ZNF444: variants seen among roughly 807,000 people sequenced by gnomAD.
The protein encoded by ZNF444 is zinc finger protein 444.
Under a neutral mutation model 14.4 loss-of-function variants are expected in ZNF444, and 8 were observed. The observed-to-expected ratio is 0.56, with a 90% confidence interval of 0.33 to 1.00. The LOEUF is 1.00. ZNF444 is among the 50% of genes least tolerant of loss of function. The probability of loss-of-function intolerance (pLI) is 0.03; values close to 1 mark genes in which losing one functional copy is unlikely to be tolerated. For synonymous variants in ZNF444, 258 were observed against 235.9 expected, an observed-to-expected ratio of 1.09 and a Z score of -0.86; for missense variants, 510 against 504.8, an observed-to-expected ratio of 1.01 and a Z score of -0.10.
intron 3 of ZNF444, chr19:56,149,875 TG>T (rs1311012693): frequency 1.3e-4 from 20 of 153,818 alleles, no homozygotes; most frequent in African/African-American, 4.8e-4. Context: ...TTAGGTCACC[TG>T]TGATGACATT....
rs1387929394 is a variant in ZNF444, at chr19:56,146,994, T to C, written c.83T>C (p.Leu28Pro). 3.5e-6 allele frequency: 5 copies of C among 1,442,380 alleles called. No homozygotes were observed. The highest frequency in any genetic ancestry group is 4.5e-6 in the Non-Finnish European group (5 of 1,106,508). 89.3% of individuals were successfully genotyped at this position (1,442,380 alleles called of 1,614,324 possible). Residue 28 changes from leucine to proline, a missense_variant, in exon 3 of 5, where the codon CTG (leucine) becomes CCG (proline). Leu to Pro is a moderately conservative substitution (Grantham distance 98). Transcript: ENST00000337080. ...SPWHRFRRFH[L>P]GDAPGPREAL... ...TGGCACCGCTTCCGCCGCTTCCACC[T>C]GGGCGACGCGCCGGGCCCGCGGGAG...
At position 56,159,654 on chromosome 19, in the gene ZNF444, C is replaced by T. The variant is rs1327125369; in HGVS notation, c.437C>T (p.Ala146Val). ...AGTAPGAEGP[A>V]PGDSQAVRPY... ...ACCGCCCCTGGGGCTGAGGGGCCGG[C>T]GCCTGGGGACTCCCAGGCTGTGCGC... The change falls in exon 5 of 5, where the codon GCG (alanine) becomes GTG (valine). Residue 146 changes from alanine (A) to valine (V), a missense_variant. By Grantham distance (64) the Ala-to-Val change is moderately conservative (BLOSUM62 0). Coordinates refer to ENST00000337080, the MANE Select transcript of ZNF444 (RefSeq NM_018337.4). 1.1e-5 allele frequency: 16 copies of T among 1,464,072 alleles called. No homozygotes were observed. Among genetic ancestry groups the T allele is most frequent in the South Asian group, 4.0e-5 (3 of 75,170 alleles). 90.7% of individuals were successfully genotyped at this position (1,464,072 alleles called of 1,614,324 possible).
intron 3 of ZNF444, among the ~76,000 whole-genome samples, chr19:56,152,400 A>G (rs1479783664): frequency 6.7e-6 from 1 of 149,846 alleles, no homozygotes; most frequent in Non-Finnish European, 1.5e-5. Flanking sequence ...TTATGAGGTG[A>G]TTCGGGCCTC....
chr19:56,160,116 A>G lies in ZNF444; in HGVS notation c.899A>G (p.His300Arg). 6.7e-7 allele frequency: 1 copy of G among 1,489,200 alleles called. No homozygotes were observed. The highest frequency in any genetic ancestry group is 8.9e-7 in the Non-Finnish European group (1 of 1,126,610). The allele number at this position is 1,489,200 out of a possible 1,614,324, so 92.2% of individuals were successfully genotyped here. The change falls in exon 5 of 5, where the codon CAC becomes CGC. Residue 300 changes from histidine (H) to arginine (R), a missense_variant. Transcript: ENST00000337080. ...REHVLRHQRIHGRAAASAQGA... is the reference protein window; with the variant it reads ...REHVLRHQRIRGRAAASAQGA... The stretch of plus-strand genomic sequence containing the variant: ...CACGTGCTGCGCCACCAGCGCATCC[A>G]CGGCCGGGCAGCGGCCAGCGCGCAG...
intron 1 of ZNF444, among the ~76,000 whole-genome samples, chr19:56,142,870 A>C (rs2030921280): frequency 6.6e-6 from 1 of 152,178 alleles, no homozygotes; most frequent in African/African-American, 2.4e-5. Flanking sequence ...CCGGGGTACT[A>C]GGTGGAACTG....
In ZNF444 at chr19:56,145,442, C is replaced by T. The variant is rs1437329256; in HGVS notation, c.-196-805C>T. 1.3e-5 allele frequency among the ~76,000 whole-genome samples: 2 copies of T among 152,028 alleles called. No individual in the cohort carries two copies. Among genetic ancestry groups the T allele is most frequent in the East Asian group, 1.9e-4 (1 of 5,182 alleles). ...CTCTACTAAAAATACAAAAATTATC[C>T]GGACGTGGTAACGCACGTCTATAAT... On this transcript the variant is annotated intron_variant, in intron 1 of 4. Coordinates refer to ENST00000337080, the MANE Select transcript of ZNF444 (RefSeq NM_018337.4). This position sits in a 1 kb window ranked among gnomAD's most constrained non-coding sequence, Gnocchi z 4.3.
At chr19:56,142,071 G>A (rs762622515) in intron 1 of ZNF444, among the ~76,000 whole-genome samples, 10 of 152,158 alleles carry the variant, frequency 6.6e-5, no homozygotes, top group Admixed American at 1.3e-4. Context: ...CTCTACCCCA[G>A]TCAGGATGGA....
chr19:56,154,586 C>T (rs1475966046), intron 3 of ZNF444: 1 of 145,282 alleles, frequency 6.9e-6, no homozygotes, highest in Non-Finnish European at 1.5e-5. Context: ...GGCTGCCACC[C>T]CCACCCCCAC....
chr19:56,139,715 CAAAAAA>C (rs10690874), upstream of ZNF444, among the ~76,000 whole-genome samples: 4,856 of 143,346 alleles, frequency 0.034, 296 homozygotes, highest in African/African-American at 0.12. Flanking sequence ...AACAAAAAAC[CAAAAAA>C]AAAAAAAGAA....
In ZNF444 at chr19:56,147,135, A is replaced by G; in HGVS notation, c.224A>G (p.Asp75Gly). 1 of 1,551,938 alleles carries G rather than the reference A, an allele frequency of 6.4e-7. No individual in the cohort carries two copies. The highest frequency in any genetic ancestry group is 8.7e-7 in the Non-Finnish European group (1 of 1,154,210). ...CAGTTCCTGAGCGCGCTGCCCGCCG[A>G]CACGCAGGCCTGGGTGTGCAGCCGG... The part of the protein sequence containing the change: ...LEQFLSALPA[D>G]TQAWVCSRQP... The change falls in exon 3 of 5, where the codon GAC (aspartate) becomes GGC (glycine). Residue 75 changes from aspartate to glycine, a missense_variant. Physicochemically the swap from Asp to Gly is moderately conservative, Grantham distance 94. Transcript: ENST00000337080. The surrounding 1 kb of genome is among the most constrained non-coding windows in gnomAD (Gnocchi z 5.9).
At chr19:56,159,592 G>T (rs1054475260) in intron 4 of ZNF444, 32 bp from the exon 5 acceptor site, 229 of 1,415,208 alleles carry the variant, frequency 1.6e-4, no homozygotes, top group Non-Finnish European at 2.1e-4. Flanking sequence ...CCCTCGTGCC[G>T]ACCCAGATGC....
intron 1 of ZNF444, among the ~76,000 whole-genome samples, chr19:56,134,291 T>C (rs182762934): frequency 1.9e-4 from 29 of 152,302 alleles, no homozygotes; most frequent in African/African-American, 6.5e-4. Context: ...CTAGAAGGTA[T>C]GAGCTAAATT....
upstream of ZNF444, among the ~76,000 whole-genome samples, chr19:56,138,082 C>T (rs942872364): frequency 6.6e-6 from 1 of 151,874 alleles, no homozygotes; most frequent in African/African-American, 2.4e-5. Flanking sequence ...TGAGATGGAA[C>T]CATTGCACTC....
chr19:56,140,732 G>GATTGGC (rs1353291525), upstream of ZNF444, among the ~76,000 whole-genome samples: 1 of 152,070 alleles, frequency 6.6e-6, no homozygotes, highest in Non-Finnish European at 1.5e-5. Context: ...CTGCACTCCT[G>GATTGGC]ATTGGCGCAG....
chr19:56,149,927 T>G (rs938456117), intron 3 of ZNF444: 1 of 157,066 alleles, frequency 6.4e-6, no homozygotes, highest in African/African-American at 2.4e-5. Context: ...CCCATGTCAG[T>G]GCTTAACTCC....
At chr19:56,151,799 TG>T (rs940614209) in intron 3 of ZNF444, 1 of 453,542 alleles carries the variant, frequency 2.2e-6, no homozygotes, top group African/African-American at 2.0e-5. Flanking sequence ...AGCTGACATC[TG>T]GGGGCGCTGC....
Position 56,147,229 on chromosome 19 carries a change from A to G in ZNF444, c.297+21A>G, listed in dbSNP as rs1187665041. ...TCTGGGTGAGCCTGGCGGGACTGCA[A>G]GCGGGGAAGGGAGAGGGGAAGGTGC... On this transcript the variant is annotated intron_variant, in intron 3 of 4. Coordinates refer to ENST00000337080, the MANE Select transcript of ZNF444 (RefSeq NM_018337.4). The surrounding 1 kb of genome is among the most constrained non-coding windows in gnomAD (Gnocchi z 5.9). 2.8e-6 allele frequency: 4 copies of G among 1,410,956 alleles called. No homozygotes were observed. Among genetic ancestry groups the G allele is most frequent in the Non-Finnish European group, 3.7e-6 (4 of 1,088,058 alleles). 87.4% of individuals were successfully genotyped at this position (1,410,956 alleles called of 1,614,324 possible).
chr19:56,157,826 C>A (rs1380474502), intron 3 of ZNF444: 1 of 152,198 alleles, frequency 6.6e-6, no homozygotes, highest in African/African-American at 2.4e-5. Flanking sequence ...CAGAAGAATT[C>A]TCATCCCTTT....
At chr19:56,150,384 G>A (rs1315881721) in intron 3 of ZNF444, 10 of 294,638 alleles carry the variant, frequency 3.4e-5, no homozygotes, top group East Asian at 1.8e-4. Context: ...GCTCCAGGCC[G>A]TCGGGACTCT....
Sources: allele counts gnomAD v4.1 joint callset (sites outside exome capture counted in the v4.1 genomes callset), GRCh38; gene constraint gnomAD v4.1.1; non-coding constraint Gnocchi (gnomAD v3.1); transcripts MANE v1.5; gene names NCBI Gene and HGNC (gene_info 2026-07-23, HGNC 2026-07-21).